The following COTL1 variants were observed in gnomAD, a reference collection of about 807,000 sequenced individuals.
The protein encoded by COTL1 is coactosin-like protein.
Under a neutral mutation model 16.5 loss-of-function variants are expected in COTL1, and 15 were observed. That is an observed-to-expected ratio of 0.91 (90% CI 0.61 to 1.40). COTL1 has a LOEUF of 1.40. Ranked by LOEUF, COTL1 falls within the 40% of genes most tolerant of loss-of-function variation. The pLI, the probability that COTL1 is intolerant of heterozygous loss-of-function variation, is 0.00. For missense variants in COTL1, 220 were observed against 201.5 expected (o/e 1.09, Z -0.56); for synonymous variants, 112 against 85.3 (o/e 1.31, Z -1.73).
chr16:84,617,358 T>A, intron 2 of COTL1, 143 bp downstream of exon 2: 1 of 714,004 alleles, frequency 1.4e-6, no homozygotes, highest in Non-Finnish European at 2.4e-6. Flanking sequence ...CTTAAAACGC[T>A]CACACCGGGT....
At chr16:84,605,453 G>A (rs1858319469) in intron 2 of COTL1, among the ~76,000 whole-genome samples, 1 of 152,228 alleles carries the variant, frequency 6.6e-6, no homozygotes, top group Admixed American at 6.5e-5. Context: ...CTGTGAATAT[G>A]TCCCTCACAT....
intron 2 of COTL1, among the ~76,000 whole-genome samples, chr16:84,614,020 C>A (rs368007672): frequency 1.3e-5 from 2 of 152,134 alleles, no homozygotes; most frequent in Non-Finnish European, 1.5e-5. Flanking sequence ...CCCCCCTCCC[C>A]GCAAGAATGG....
chr16:84,613,642 T>G (rs1055356587), intron 2 of COTL1, among the ~76,000 whole-genome samples: 5 of 151,928 alleles, frequency 3.3e-5, no homozygotes, highest in African/African-American at 9.7e-5. Flanking sequence ...GTAGAAAGAA[T>G]TACCCCAGCA....
chr16:84,610,448 C>T (rs887490656), intron 2 of COTL1, among the ~76,000 whole-genome samples: 6 of 152,214 alleles, frequency 3.9e-5, no homozygotes, highest in Non-Finnish European at 5.9e-5. Flanking sequence ...AAATGGTAGA[C>T]ATGCCCTGTG....
At chr16:84,599,139 A>G (rs1229663555) in intron 2 of COTL1, among the ~76,000 whole-genome samples, 1 of 143,002 alleles carries the variant, frequency 7.0e-6, no homozygotes, top group Non-Finnish European at 1.5e-5. Context: ...GCACTGAGGA[A>G]GAGATTCTGA....
intron 2 of COTL1, among the ~76,000 whole-genome samples, chr16:84,597,509 C>T (rs1197866800): frequency 6.6e-6 from 1 of 152,174 alleles, no homozygotes; most frequent in African/African-American, 2.4e-5. Flanking sequence ...TGTGGGTACT[C>T]AGGCTCCACT....
In COTL1 at chr16:84,597,936, G is replaced by C. The variant is rs116514891; in HGVS notation, c.161-7674C>G. ...TGACTATCAGCCCTGGGTACCAGGA[G>C]GCCTTTCTGCCTGTGCTGCCTCTAG... On this transcript the variant is annotated intron_variant, in intron 2 of 3. Transcript: ENST00000262428. Among the ~76,000 whole-genome samples, 165 of 152,288 alleles carry C rather than the reference G, an allele frequency of 1.1e-3. 1 individual carries two copies. The highest frequency in any genetic ancestry group is 3.8e-3 in the African/African-American group (160 of 41,568).
intron 3 of COTL1, chr16:84,575,734 A>T (rs1330262726): frequency 3.9e-5 from 6 of 152,194 alleles, no homozygotes; most frequent in Non-Finnish European, 8.8e-5. Context: ...GGCCAAATAC[A>T]AACAGGCACC....
chr16:84,614,027 A>C (rs1905402683), intron 2 of COTL1, among the ~76,000 whole-genome samples: 2 of 152,126 alleles, frequency 1.3e-5, no homozygotes, highest in South Asian at 2.1e-4. Flanking sequence ...CCCCGCAAGA[A>C]TGGAGGTGAA....
chr16:84,590,332 G>A lies in COTL1; in HGVS notation c.161-70C>T, dbSNP rs373615040. 1.9e-6 allele frequency: 3 copies of A among 1,560,280 alleles called. No individual in the cohort carries two copies. The highest frequency in any genetic ancestry group is 2.6e-6 in the Non-Finnish European group (3 of 1,145,524). On this transcript the variant is annotated intron_variant, in intron 2 of 3. Transcript: ENST00000262428. The surrounding 1 kb of genome is among the most constrained non-coding windows in gnomAD (Gnocchi z 5.5). ...CCCCCATGTCATGTCCCTGGGGAGA[G>A]GCTGTGAGCCACGAGTGCGCCTGGA...
At chr16:84,604,067 C>T (rs1265637762) in intron 2 of COTL1, among the ~76,000 whole-genome samples, 1 of 133,206 alleles carries the variant, frequency 7.5e-6, no homozygotes, top group African/African-American at 2.9e-5. Flanking sequence ...CCCACCACGG[C>T]CCAACCCCAT....
intron 3 of COTL1, among the ~76,000 whole-genome samples, chr16:84,587,322 A>G (rs561084298): frequency 1.3e-5 from 2 of 152,318 alleles, no homozygotes; most frequent in South Asian, 2.1e-4. Flanking sequence ...CTCAAAGCCA[A>G]TCTGATGCCC....
At chr16:84,610,942 C>T (rs1905309704) in intron 2 of COTL1, among the ~76,000 whole-genome samples, 2 of 152,308 alleles carry the variant, frequency 1.3e-5, no homozygotes, top group South Asian at 4.1e-4. Flanking sequence ...TTATTTCAAC[C>T]TATCCATTGA....
Position 84,617,953 on chromosome 16 carries a change from GAGCGCGC to G in COTL1, c.-46_-40del. ...CAGCGGGACACTGTCCGGGGCGGCC[GAGCGCGC>G]CCCTGGCCGGCGGCGGGGATGGGAG... On this transcript the variant is annotated 5_prime_UTR_variant, in exon 1 of 4. Transcript: ENST00000262428. The G allele has an allele frequency of 6.7e-7, 1 of 1,486,550 alleles. No homozygotes were observed. Among genetic ancestry groups the G allele is most frequent in the Non-Finnish European group, 9.0e-7 (1 of 1,112,244 alleles). The allele number at this position is 1,486,550 out of a possible 1,614,324, so 92.1% of individuals were successfully genotyped here.
intron 2 of COTL1, among the ~76,000 whole-genome samples, chr16:84,593,408 G>A (rs548503869): frequency 6.6e-6 from 1 of 152,360 alleles, no homozygotes; most frequent in Non-Finnish European, 1.5e-5. Context: ...ATGCCCCGGG[G>A]ACTGTGCCTG....
Position 84,566,796 on chromosome 16 carries a change from G to T in COTL1, c.*49C>A. On this transcript the variant is annotated 3_prime_UTR_variant, in exon 4 of 4. Transcript: ENST00000262428. Reference sequence around the variant, plus strand: ...CTGAGGCCGGCGGTCCTCTCCCCCGGGGAGCAGGCAGATGACTTTGGCAAG... The same window carrying T: ...CTGAGGCCGGCGGTCCTCTCCCCCGTGGAGCAGGCAGATGACTTTGGCAAG... 1 of 1,335,092 alleles carries T rather than the reference G, an allele frequency of 7.5e-7. No individual in the cohort carries two copies. Among genetic ancestry groups the T allele is most frequent in the African/African-American group, 1.4e-5 (1 of 69,406 alleles). 82.7% of individuals were successfully genotyped at this position (1,335,092 alleles called of 1,614,324 possible).
chr16:84,575,141 G>A (rs963446793), intron 3 of COTL1, among the ~76,000 whole-genome samples: 4 of 151,724 alleles, frequency 2.6e-5, no homozygotes, highest in African/African-American at 9.7e-5. Flanking sequence ...GGGTTCAAGC[G>A]ATTCTCCTGC....
chr16:84,601,909 C>G (rs1423241651), intron 2 of COTL1, among the ~76,000 whole-genome samples: 1 of 152,146 alleles, frequency 6.6e-6, no homozygotes, highest in African/African-American at 2.4e-5. Flanking sequence ...CTCCACCAGC[C>G]CTTCTCTCTT....
chr16:84,576,190 T>C (rs1473651096), intron 3 of COTL1: 1 of 152,258 alleles, frequency 6.6e-6, no homozygotes, highest in Non-Finnish European at 1.5e-5. Context: ...CAGGGTTAGC[T>C]TCAGGGAACA....
Sources: allele counts gnomAD v4.1 joint callset (sites outside exome capture counted in the v4.1 genomes callset), GRCh38; gene constraint gnomAD v4.1.1; non-coding constraint Gnocchi (gnomAD v3.1); transcripts MANE v1.5; gene names NCBI Gene and HGNC (gene_info 2026-07-23, HGNC 2026-07-21).